Variants in DACH2 observed in about 807,000 individuals in gnomAD.
DACH2 encodes the protein dachshund family transcription factor 2.
In DACH2, 17 loss-of-function variants were observed where a neutral mutation model predicts 35.8. The observed-to-expected ratio is 0.48, with a 90% CI of 0.33 to 0.71. The LOEUF (loss-of-function observed/expected upper bound fraction) is 0.71, where lower values mean the gene tolerates loss of function less well. DACH2 is among the 30% of genes least tolerant of loss of function. The pLI is 0.02. For missense variants in DACH2, 469 were observed against 472.7 expected, an observed-to-expected ratio of 0.99 and a Z score of 0.07; for synonymous variants, 195 against 177.3, an observed-to-expected ratio of 1.10 and a Z score of -0.79.
chrX:86,583,616 A>G (rs1362943571), intron 3 of DACH2, among the ~76,000 whole-genome samples: 5 of 107,962 alleles, frequency 4.6e-5, no homozygotes, highest in Non-Finnish European at 9.6e-5. Context: ...TTTAAACCAT[A>G]CTTTATTATT....
Position 86,148,958 on chromosome X carries a change from T to C in DACH2, c.338T>C (p.Leu113Pro). 1 of 1,211,115 alleles carries C rather than the reference T, an allele frequency of 8.3e-7. No individual in the cohort carries two copies. The highest frequency in any genetic ancestry group is 1.1e-6 in the Non-Finnish European group (1 of 895,426). Residue 113 changes from leucine (L) to proline (P), a missense_variant, in exon 1 of 12, where the codon CTG becomes CCG. Physicochemically the swap from Leu to Pro is moderately conservative, Grantham distance 98 (BLOSUM62 -3). Around this residue, in one of 3 missense-constraint regions of DACH2, gnomAD observed 99 missense variants for 114.3 expected, o/e 0.87. Coordinates refer to ENST00000373125, the MANE Select transcript of DACH2 (RefSeq NM_053281.3). Reference sequence around the variant, plus strand: ...GGCTTGCACACTGTGTACACCAAGCTGAAGAGACTGGATATATCCCCCGTG... The same window carrying C: ...GGCTTGCACACTGTGTACACCAAGCCGAAGAGACTGGATATATCCCCCGTG... ...VGGLHTVYTK[L>P]KRLDISPVVC...
chrX:86,556,846 C>T (rs1342703114), intron 3 of DACH2, among the ~76,000 whole-genome samples: 8 of 90,967 alleles, frequency 8.8e-5, no homozygotes, highest in Admixed American at 4.0e-4. Context: ...AAATGTACTA[C>T]GGGAATTTGC....
intron 2 of DACH2, among the ~76,000 whole-genome samples, chrX:86,502,402 G>T (rs2038264298): frequency 8.9e-6 from 1 of 111,738 alleles, no homozygotes; most frequent in African/African-American, 3.3e-5. Flanking sequence ...GACTTCAATT[G>T]CCCAAAATAT....
intron 1 of DACH2, among the ~76,000 whole-genome samples, chrX:86,334,021 C>G (rs1056314772): frequency 8.9e-6 from 1 of 111,736 alleles, no homozygotes; most frequent in East Asian, 2.8e-4. Context: ...GTTTTCTGTT[C>G]TTGTGTTAGT....
chrX:86,413,521 T>G (rs2036649965), intron 2 of DACH2, among the ~76,000 whole-genome samples: 1 of 112,033 alleles, frequency 8.9e-6, no homozygotes, highest in African/African-American at 3.3e-5. Flanking sequence ...TTCTCCAATA[T>G]CCATTTGTCT....
At chrX:86,710,776 G>A (rs922582842) in intron 5 of DACH2, among the ~76,000 whole-genome samples, 1 of 111,588 alleles carries the variant, frequency 9.0e-6, no homozygotes, top group Middle Eastern at 4.7e-3. Flanking sequence ...AAATAAAAAT[G>A]CTTGTATTTT....
At chrX:86,705,835 T>C (rs2041209831) in intron 5 of DACH2, among the ~76,000 whole-genome samples, 1 of 111,612 alleles carries the variant, frequency 9.0e-6, no homozygotes, top group Non-Finnish European at 1.9e-5. Context: ...ACATATGGAA[T>C]CGACCTAAGT....
At chrX:86,642,724 A>C (rs780611652) in intron 3 of DACH2, among the ~76,000 whole-genome samples, 1 of 112,243 alleles carries the variant, frequency 8.9e-6, no homozygotes, top group Non-Finnish European at 1.9e-5. Flanking sequence ...AATCCCCAAC[A>C]AATGGAAAAG....
At chrX:86,176,995 C>T (rs892544358) in intron 1 of DACH2, among the ~76,000 whole-genome samples, 3 of 111,294 alleles carry the variant, frequency 2.7e-5, no homozygotes, top group Non-Finnish European at 5.7e-5. Flanking sequence ...TTTTAATTTT[C>T]GTGGCTACAT....
intron 1 of DACH2, among the ~76,000 whole-genome samples, chrX:86,187,524 C>A (rs1227360587): frequency 9.3e-6 from 1 of 107,202 alleles, no homozygotes; most frequent in South Asian, 4.2e-4. Flanking sequence ...TTCAAGTGAT[C>A]CTCGTGTCTC....
chrX:86,383,001 T>C (rs962543449), intron 2 of DACH2, among the ~76,000 whole-genome samples: 3 of 110,764 alleles, frequency 2.7e-5, no homozygotes, highest in Non-Finnish European at 5.7e-5. Flanking sequence ...GAAACCACTA[T>C]TTTATTGCAT....
intron 11 of DACH2, among the ~76,000 whole-genome samples, chrX:86,823,022 G>A (rs1238798101): frequency 2.7e-5 from 3 of 110,935 alleles, no homozygotes; most frequent in East Asian, 2.8e-4. Context: ...GTGGCATATC[G>A]GCTCACTGCG....
intron 11 of DACH2, chrX:86,828,021 C>A (rs780529843): frequency 3.5e-6 from 1 of 286,849 alleles, no homozygotes; most frequent in Non-Finnish European, 5.8e-6. Flanking sequence ...ACTTCTTTAA[C>A]CTCTTTCTTT....
chrX:86,359,091 G>GTA, intron 1 of DACH2, among the ~76,000 whole-genome samples: 1 of 106,889 alleles, frequency 9.4e-6, no homozygotes, highest in African/African-American at 3.4e-5. Context: ...TGTCGTGTGT[G>GTA]TGTGTGTGTG....
At chrX:86,781,873 T>G (rs1179178158) in intron 7 of DACH2, among the ~76,000 whole-genome samples, 1 of 111,864 alleles carries the variant, frequency 8.9e-6, no homozygotes, top group Non-Finnish European at 1.9e-5. Context: ...GCATCCATAT[T>G]GGAAAGAAAT....
At chrX:86,273,000 A>G (rs1252389976) in intron 1 of DACH2, among the ~76,000 whole-genome samples, 2 of 111,367 alleles carry the variant, frequency 1.8e-5, no homozygotes, top group African/African-American at 6.5e-5. Flanking sequence ...CTTCTTCCCA[A>G]GTTGTTTCCT....
chrX:86,526,003 A>C (rs2038626496), intron 3 of DACH2, among the ~76,000 whole-genome samples: 1 of 111,793 alleles, frequency 8.9e-6, no homozygotes, highest in Admixed American at 9.5e-5. Context: ...TTTGTTTTCC[A>C]GGGCAGAAAG....
Position 86,656,331 on chromosome X carries a change from C to G in DACH2, c.772+5164C>G, listed in dbSNP as rs776171626. On this transcript the variant is annotated intron_variant, in intron 4 of 11. Coordinates refer to ENST00000373125, the MANE Select transcript of DACH2 (RefSeq NM_053281.3). ...GATTTCTAAAATTAAAATTTAGAGTCCTAAGTAACTTCAGATAATTAGATC... is the reference window on the plus strand; with the variant it reads ...GATTTCTAAAATTAAAATTTAGAGTGCTAAGTAACTTCAGATAATTAGATC... Among the ~76,000 whole-genome samples the G allele has an allele frequency of 2.7e-5, 3 of 110,599 alleles. No individual in the cohort carries two copies. The East Asian group carries it at 8.6e-4, about 32-fold the overall frequency.
intron 7 of DACH2, among the ~76,000 whole-genome samples, chrX:86,772,974 GA>G (rs2042000778): frequency 9.0e-6 from 1 of 111,603 alleles, no homozygotes; most frequent in African/African-American, 3.3e-5. Flanking sequence ...TGCTTCCGTG[GA>G]AGTACCTGAA....
Sources: allele counts gnomAD v4.1 joint callset (sites outside exome capture counted in the v4.1 genomes callset), GRCh38; gene constraint gnomAD v4.1.1; regional missense constraint gnomAD v4.1.1; transcripts MANE v1.5; gene names NCBI Gene and HGNC (gene_info 2026-07-23, HGNC 2026-07-21).